SLC12A7: variants seen among roughly 807,000 people sequenced by gnomAD.
The protein encoded by SLC12A7 is solute carrier family 12 member 7.
SLC12A7 carries 100 observed loss-of-function variants against 120.6 expected under a neutral mutation model. That is an observed-to-expected ratio of 0.83 (90% CI 0.71 to 0.98). SLC12A7 has a LOEUF of 0.98. SLC12A7 is among the 50% of genes least tolerant of loss of function. SLC12A7 has a pLI of 0.00. For synonymous variants in SLC12A7, 760 were observed against 678.0 expected (o/e 1.12, Z -1.88); for missense variants, 1,373 against 1,548.1 (o/e 0.89, Z 1.90).
At chr5:1,146,425 G>A in the SLC12A7 span, among the ~76,000 whole-genome samples, 1 of 152,186 alleles carries the variant, frequency 6.6e-6, no homozygotes, top group South Asian at 2.1e-4. This position sits in a 1 kb window ranked among gnomAD's most constrained non-coding sequence, Gnocchi z 6.5. Flanking sequence ...GGGAGCAGTG[G>A]TGGCCTGCTG....
chr5:1,068,828 G>A (rs1386579586), intron 17 of SLC12A7, among the ~76,000 whole-genome samples: 1 of 152,256 alleles, frequency 6.6e-6, no homozygotes, highest in East Asian at 1.9e-4. Context: ...GTGGCAGGGG[G>A]TCCCGTCATC....
the SLC12A7 span, among the ~76,000 whole-genome samples, chr5:1,147,870 C>A: frequency 6.6e-6 from 1 of 152,034 alleles, no homozygotes; most frequent in African/African-American, 2.4e-5. Context: ...CAGGTGGGAC[C>A]GTGGGTGTGC....
At chr5:1,146,725 G>A in the SLC12A7 span, among the ~76,000 whole-genome samples, 1 of 152,170 alleles carries the variant, frequency 6.6e-6, no homozygotes, top group Non-Finnish European at 1.5e-5. The surrounding 1 kb of genome is among the most constrained non-coding windows in gnomAD (Gnocchi z 6.5). Flanking sequence ...GGCTTCACCT[G>A]CATGATGAAA....
intron 11 of SLC12A7, among the ~76,000 whole-genome samples, chr5:1,078,229 C>T (rs982014878): frequency 3.3e-5 from 5 of 152,150 alleles, no homozygotes; most frequent in Non-Finnish European, 7.4e-5. Context: ...GGGTCCTGCT[C>T]ACCTCAGGGT....
Position 1,095,815 on chromosome 5 carries a change from G to T in SLC12A7, c.125-1567C>A, listed in dbSNP as rs1384059552. ...CAGCAAAGAGGGCATCGCCGTCTGG[G>T]GGCAGGCGGGCAGCACGTGCTCCCA... is the stretch of plus-strand genomic sequence containing the variant. On this transcript the variant is annotated intron_variant, in intron 1 of 23. Transcript: ENST00000264930. Among the ~76,000 whole-genome samples the T allele has an allele frequency of 2.6e-5, 4 of 152,374 alleles. No individual in the cohort carries two copies. The East Asian group carries it at 7.7e-4, about 29-fold the overall frequency.
At chr5:1,123,965 A>G in the SLC12A7 span, among the ~76,000 whole-genome samples, 1 of 152,214 alleles carries the variant, frequency 6.6e-6, no homozygotes, top group Non-Finnish European at 1.5e-5. Context: ...CCAATACGCT[A>G]CTAAATTCAT....
the SLC12A7 span, among the ~76,000 whole-genome samples, chr5:1,149,871 A>G: frequency 1.7e-4 from 26 of 152,184 alleles, no homozygotes; most frequent in African/African-American, 5.1e-4. Flanking sequence ...TCTACTCACA[A>G]TACAAAAAAT....
chr5:1,098,655 T>C (rs71593133), intron 1 of SLC12A7, among the ~76,000 whole-genome samples: 8 of 16 alleles, frequency 0.5, 3 homozygotes, highest in Admixed American at 1. Flanking sequence ...CCCAGCCCCC[T>C]TCTAACCCTC....
chr5:1,102,470 C>T (rs1299606574), intron 1 of SLC12A7, among the ~76,000 whole-genome samples: 1 of 152,212 alleles, frequency 6.6e-6, no homozygotes, highest in East Asian at 1.9e-4. Context: ...CCGCAAAGGG[C>T]TCTAGGAACG....
intron 21 of SLC12A7, among the ~76,000 whole-genome samples, chr5:1,058,275 AG>A (rs1287956236): frequency 6.6e-6 from 1 of 152,254 alleles, no homozygotes; most frequent in East Asian, 1.9e-4. Context: ...CCTCACCGCG[AG>A]ATCGCACCAA....
intron 9 of SLC12A7, among the ~76,000 whole-genome samples, chr5:1,079,966 G>A (rs919255113): frequency 1.8e-4 from 28 of 152,210 alleles, no homozygotes; most frequent in Admixed American, 1.3e-3. Context: ...AGCCACGGCC[G>A]GGGATGTTTC....
At chr5:1,093,751 C>A in intron 2 of SLC12A7, 96 bp from the exon 3 acceptor site, 1 of 1,538,440 alleles carries the variant, frequency 6.5e-7, no homozygotes, top group Non-Finnish European at 8.8e-7. Flanking sequence ...CAGGCCCTCC[C>A]CGGGTCCTCA....
chr5:1,113,381 G>T (rs984751172), upstream of SLC12A7, among the ~76,000 whole-genome samples: 1 of 152,164 alleles, frequency 6.6e-6, no homozygotes, highest in Non-Finnish European at 1.5e-5. Context: ...TGGGTTCAAG[G>T]AACGCAAGCC....
chr5:1,150,700 C>T, the SLC12A7 span, among the ~76,000 whole-genome samples: 1 of 152,222 alleles, frequency 6.6e-6, no homozygotes, highest in Admixed American at 6.5e-5. Context: ...AGTGACAAAA[C>T]GCAAGCTTGT....
At chr5:1,089,178 G>A (rs1352530592) in intron 3 of SLC12A7, 50 bp from the exon 4 acceptor site, 2 of 1,587,748 alleles carry the variant, frequency 1.3e-6, no homozygotes, top group Non-Finnish European at 8.6e-7. Context: ...ACACCCAGAG[G>A]GAGCCCCCTC....
At chr5:1,085,175 C>T in intron 7 of SLC12A7, 57 bp downstream of exon 7, 2 of 1,588,702 alleles carry the variant, frequency 1.3e-6, no homozygotes, top group African/African-American at 1.3e-5. Context: ...GGGCAGAGCC[C>T]ATGGGACCTG....
the SLC12A7 span, among the ~76,000 whole-genome samples, chr5:1,151,377 C>A: frequency 2.0e-5 from 3 of 152,338 alleles, no homozygotes; most frequent in Non-Finnish European, 2.9e-5. This position sits in a 1 kb window ranked among gnomAD's most constrained non-coding sequence, Gnocchi z 6.2. Flanking sequence ...GGCGCCGTTG[C>A]TAAGCTGGCG....
At position 1,093,544 on chromosome 5, in the gene SLC12A7, GC is replaced by G; in HGVS notation, c.330del (p.Arg111GlyfsTer31). On this transcript the variant is annotated frameshift_variant, in exon 3 of 24. Transcript: ENST00000264930. LOFTEE classifies it high-confidence loss of function. ...VEHEEDEESR[R>X]REAKAPRMGT... ...CAGGGTGGCAGTACCTTGGCCTCCC[GC>G]CGCCGGCTCTCCTCGTCCTCCTCGT... The G allele has an allele frequency of 6.3e-7, 1 of 1,592,714 alleles. No individual in the cohort carries two copies. Among genetic ancestry groups the G allele is most frequent in the Non-Finnish European group, 8.5e-7 (1 of 1,170,824 alleles).
chr5:1,053,555 C>T lies in SLC12A7; in HGVS notation c.3027-73G>A, dbSNP rs746262491. Reference sequence around the variant, plus strand: ...CTCCGGACACGAGGCTGAGCTGAGCCCTGATGAGCTGCATTCACACGTGTT... The same window carrying T: ...CTCCGGACACGAGGCTGAGCTGAGCTCTGATGAGCTGCATTCACACGTGTT... On this transcript the variant is annotated intron_variant, in intron 22 of 23. Coordinates refer to ENST00000264930, the MANE Select transcript of SLC12A7 (RefSeq NM_006598.3). The T allele has an allele frequency of 3.7e-5, 57 of 1,554,804 alleles. 1 individual carries two copies. The Admixed American group carries it at 4.1e-4, about 11-fold the overall frequency.
Sources: allele counts gnomAD v4.1 joint callset (sites outside exome capture counted in the v4.1 genomes callset), GRCh38; gene constraint gnomAD v4.1.1; non-coding constraint Gnocchi (gnomAD v3.1); transcripts MANE v1.5; gene names NCBI Gene and HGNC (gene_info 2026-07-23, HGNC 2026-07-21).